SLC12A2: variants seen among roughly 807,000 people sequenced by gnomAD.
SLC12A2 encodes the protein solute carrier family 12 member 2, also known as Na-K-2Cl cotransporter 1.
SLC12A2 carries 67 observed loss-of-function variants against 136.3 expected under a neutral mutation model. That is an observed-to-expected ratio of 0.49 (90% CI 0.40 to 0.60). The LOEUF is 0.60. Among genes scored for constraint, SLC12A2 ranks in the 20% least tolerant of loss-of-function variants. SLC12A2 has a pLI of 0.00. For missense variants in SLC12A2, 1,322 were observed against 1,534.7 expected, an observed-to-expected ratio of 0.86 and a Z score of 2.32; for synonymous variants, 619 against 562.9, an observed-to-expected ratio of 1.10 and a Z score of -1.41.
Position 128,138,684 on chromosome 5 carries a change from C to T in SLC12A2, c.1496C>T (p.Thr499Ile). The change falls in exon 8 of 27, where the codon ACT becomes ATT. Residue 499 changes from threonine (T) to isoleucine (I), a missense_variant. Physicochemically the swap from Thr to Ile is moderately conservative, Grantham distance 89. Transcript: ENST00000262461. ...SVFAIFFPAA[T>I]GILAGANISG... ...TTTGCCATCTTTTTTCCTGCTGCAACTGGTATTCTGGCTGGAGCAAATATC... is the reference window on the plus strand; with the variant it reads ...TTTGCCATCTTTTTTCCTGCTGCAATTGGTATTCTGGCTGGAGCAAATATC... 6.2e-7 allele frequency: 1 copy of T among 1,613,814 alleles called. No individual in the cohort carries two copies. The highest frequency in any genetic ancestry group is 8.5e-7 in the Non-Finnish European group (1 of 1,179,844).
intron 1 of SLC12A2, among the ~76,000 whole-genome samples, chr5:128,097,894 G>GT (rs948391685): frequency 4.0e-4 from 60 of 151,462 alleles, no homozygotes; most frequent in African/African-American, 1.1e-3. Context: ...AGTTCTCTTA[G>GT]TTTTTTTTTA....
In SLC12A2 at chr5:128,084,327, G is replaced by C. The variant is rs1464014726; in HGVS notation, c.373G>C (p.Glu125Gln). 6.4e-7 allele frequency: 1 copy of C among 1,562,516 alleles called. No individual in the cohort carries two copies. Among genetic ancestry groups the C allele is most frequent in the African/African-American group, 1.3e-5 (1 of 74,168 alleles). The change falls in exon 1 of 27, where the codon GAG (glutamate) becomes CAG (glutamine). Residue 125 changes from glutamate (E) to glutamine (Q), a missense_variant. Glu to Gln is a conservative substitution (Grantham distance 29, BLOSUM62 2). Around this residue, in one of 8 missense-constraint regions of SLC12A2, gnomAD observed 358 missense variants for 299.7 expected, o/e 1.19. Transcript: ENST00000262461. This position sits in a 1 kb window ranked among gnomAD's most constrained non-coding sequence, Gnocchi z 5.6. ...CCCCGCGGACGGGGAAGCCAGCGGC[G>C]AGAGCGAGCCGGCTAAAGGCAGCGA... Reference protein sequence around the residue: ...QTPADGEASGESEPAKGSEEA... With the variant: ...QTPADGEASGQSEPAKGSEEA...
chr5:128,116,622 G>A (rs1339061614), intron 4 of SLC12A2, among the ~76,000 whole-genome samples: 1 of 152,102 alleles, frequency 6.6e-6, no homozygotes, highest in South Asian at 2.1e-4. Context: ...GTTATGAGGT[G>A]TTCATACGAT....
At chr5:128,156,038 C>T (rs895916828) in intron 15 of SLC12A2, among the ~76,000 whole-genome samples, 1 of 152,050 alleles carries the variant, frequency 6.6e-6, no homozygotes. Flanking sequence ...TAAGCCCCAG[C>T]TTAGTAGGGT....
chr5:128,127,241 C>G (rs1432354585), intron 4 of SLC12A2, among the ~76,000 whole-genome samples: 2 of 149,070 alleles, frequency 1.3e-5, no homozygotes, highest in African/African-American at 5.0e-5. Context: ...CCTGCCTCAG[C>G]CTCCCGAGTA....
chr5:128,178,705 T>A lies in SLC12A2; in HGVS notation c.3100+16T>A. On this transcript the variant is annotated intron_variant, in intron 22 of 26. Transcript: ENST00000262461. ...GATGATGGAGGTAAGGTTGTTAATT[T>A]TTTTAAAATGATTTTAAATTTACTG... 1.3e-6 allele frequency: 2 copies of A among 1,528,346 alleles called. No individual in the cohort carries two copies. Among genetic ancestry groups the A allele is most frequent in the Non-Finnish European group, 1.8e-6 (2 of 1,138,798 alleles). 94.7% of individuals were successfully genotyped at this position (1,528,346 alleles called of 1,614,324 possible).
At chr5:128,135,851 T>C (rs955334486) in intron 7 of SLC12A2, 43 bp downstream of exon 7, 2 of 1,041,592 alleles carry the variant, frequency 1.9e-6, no homozygotes, top group African/African-American at 3.2e-5. Context: ...TACCTATTTA[T>C]AGAATTCTAT....
At position 128,187,701 on chromosome 5, in the gene SLC12A2, A is replaced by G. The variant is rs1049075566; in HGVS notation, c.*1070A>G. On this transcript the variant is annotated 3_prime_UTR_variant, in exon 27 of 27. Coordinates refer to ENST00000262461, the MANE Select transcript of SLC12A2 (RefSeq NM_001046.3). ...CTTAATTCATTCAATTGTCAAGTAC[A>G]CTTAGTCTTAATACACTCAGGTTTG... is the stretch of plus-strand genomic sequence containing the variant. 6.6e-6 allele frequency: 1 copy of G among 152,604 alleles called. No individual in the cohort carries two copies. The highest frequency in any genetic ancestry group is 1.5e-5 in the Non-Finnish European group (1 of 67,994). The allele number at this position is 152,604 out of a possible 1,614,324, so 9.5% of individuals were successfully genotyped here. A position where few individuals can be genotyped will look rare whatever the true frequency, so the allele number is the denominator to read the frequency against.
intron 1 of SLC12A2, among the ~76,000 whole-genome samples, chr5:128,087,915 T>TA (rs1760159286): frequency 1.3e-5 from 2 of 151,882 alleles, no homozygotes; most frequent in Non-Finnish European, 2.9e-5. Context: ...GGAATAGATT[T>TA]GGTGGTTGGG....
intron 19 of SLC12A2, 140 bp downstream of exon 19, chr5:128,171,886 C>T (rs928292488): frequency 5.5e-6 from 3 of 543,434 alleles, no homozygotes; most frequent in Non-Finnish European, 9.5e-6. Context: ...TTTAAGATCA[C>T]ATCTGTTTGG....
chr5:128,093,924 A>T (rs760690225), intron 1 of SLC12A2, among the ~76,000 whole-genome samples: 3 of 151,994 alleles, frequency 2.0e-5, no homozygotes, highest in Non-Finnish European at 2.9e-5. Context: ...TGTTTCACTT[A>T]CTCAGTGGCA....
rs570172494 is a variant in SLC12A2 at position 128,155,078 on chromosome 5, A to G, written c.2363+2273A>G. ...TTGAACACAGGCACTGCGATATGCA[A>G]CAGTTGATCTGATAACCAGGACAGA... On this transcript the variant is annotated intron_variant, in intron 15 of 26. Transcript: ENST00000262461. Among the ~76,000 whole-genome samples, 6 of 152,280 alleles carry G rather than the reference A, an allele frequency of 3.9e-5. 1 individual carries two copies. The South Asian group carries it at 1.2e-3, about 32-fold the overall frequency.
At chr5:128,138,103 A>G (rs1479162543) in intron 7 of SLC12A2, among the ~76,000 whole-genome samples, 1 of 151,924 alleles carries the variant, frequency 6.6e-6, no homozygotes, top group African/African-American at 2.4e-5. Flanking sequence ...ACTCCTGGCT[A>G]ATTTTTTAAT....
intron 1 of SLC12A2, chr5:128,109,713 C>A: frequency 8.5e-7 from 1 of 1,172,264 alleles, no homozygotes; most frequent in Non-Finnish European, 1.3e-6. Flanking sequence ...GTCCCAGCAC[C>A]AGAGGAGCAA....
chr5:128,184,961 T>C (rs1763822750), intron 26 of SLC12A2, 105 bp downstream of exon 26: 2 of 1,021,860 alleles, frequency 2.0e-6, no homozygotes, highest in African/African-American at 1.6e-5. Flanking sequence ...ATTGACTTAG[T>C]GGTTATAAGG....
chr5:128,154,062 A>C (rs2195921), intron 15 of SLC12A2, among the ~76,000 whole-genome samples: 46,774 of 150,258 alleles, frequency 0.31, 8,725 homozygotes, highest in African/African-American at 0.52. Context: ...CAATTAAAAA[A>C]AAAAACAAAA....
intron 1 of SLC12A2, among the ~76,000 whole-genome samples, chr5:128,103,294 A>G (rs1008895857): frequency 1.3e-5 from 2 of 152,180 alleles, no homozygotes; most frequent in Admixed American, 6.5e-5. Context: ...TAATATCCCC[A>G]TTTCGCATAT....
intron 22 of SLC12A2, among the ~76,000 whole-genome samples, chr5:128,179,948 CTTTTTTTTTTTTTTTTTTTTTT>C (rs70997365): frequency 3.6e-4 from 18 of 50,482 alleles, no homozygotes; most frequent in South Asian, 2.1e-3. Flanking sequence ...CCAATCGTTC[CTTTTTTTTTTTTTTTTTTTTTT>C]TTTTTTTTTT....
At chr5:128,185,680 G>A (rs1176677243) in intron 26 of SLC12A2, among the ~76,000 whole-genome samples, 2 of 151,998 alleles carry the variant, frequency 1.3e-5, no homozygotes, top group Non-Finnish European at 2.9e-5. Flanking sequence ...GATAAAAATT[G>A]CATTTATCCA....
Sources: gnomAD v4.1 joint callset for allele counts (sites outside exome capture counted in the v4.1 genomes callset) on GRCh38, gnomAD v4.1.1 for gene constraint, gnomAD v4.1.1 regional missense constraint, Gnocchi (gnomAD v3.1) non-coding constraint, MANE v1.5 for transcripts, NCBI Gene and HGNC (gene_info 2026-07-23, HGNC 2026-07-21) for gene names.